Variants in NLGN1 observed in about 807,000 individuals in gnomAD.
NLGN1 encodes the protein neuroligin-1.
Under a neutral mutation model 65.5 loss-of-function variants are expected in NLGN1, and 12 were observed. The observed-to-expected ratio is 0.18, with a 90% CI of 0.12 to 0.30. The LOEUF is 0.30. Among genes scored for constraint, NLGN1 ranks in the 10% least tolerant of loss-of-function variants. The pLI, the probability that NLGN1 is intolerant of heterozygous loss-of-function variation, is 1.00. For synonymous variants in NLGN1, 350 were observed against 359.5 expected (o/e 0.97, Z 0.30); for missense variants, 750 against 1,007.1 (o/e 0.74, Z 3.46).
intron 4 of NLGN1, among the ~76,000 whole-genome samples, chr3:174,005,607 G>T (rs1724201190): frequency 6.6e-6 from 1 of 151,940 alleles, no homozygotes; most frequent in African/African-American, 2.4e-5. Context: ...GCTGATCTCA[G>T]TTTACACAAT....
chr3:173,421,903 A>G (rs1291792501), intron 1 of NLGN1, among the ~76,000 whole-genome samples: 2 of 152,010 alleles, frequency 1.3e-5, no homozygotes, highest in Non-Finnish European at 2.9e-5. Flanking sequence ...TCATTCTTTG[A>G]TTTTATACCT....
intron 4 of NLGN1, among the ~76,000 whole-genome samples, chr3:173,909,416 T>C (rs991644699): frequency 6.6e-6 from 1 of 152,112 alleles, no homozygotes; most frequent in South Asian, 2.1e-4. Flanking sequence ...CTGAAAAAAG[T>C]TTAATTCAAA....
intron 4 of NLGN1, among the ~76,000 whole-genome samples, chr3:174,176,224 A>G (rs73035665): frequency 0.015 from 2,296 of 152,022 alleles, 58 homozygotes; most frequent in African/African-American, 0.053. Flanking sequence ...TACCTTTAGA[A>G]CACCTAATTT....
intron 4 of NLGN1, among the ~76,000 whole-genome samples, chr3:173,859,591 T>C (rs1313017712): frequency 6.6e-6 from 1 of 152,140 alleles, no homozygotes; most frequent in East Asian, 1.9e-4. Context: ...TTGATAAGGT[T>C]CTTTGAAACC....
At chr3:173,792,465 A>G (rs1314550131) in intron 3 of NLGN1, among the ~76,000 whole-genome samples, 1 of 152,004 alleles carries the variant, frequency 6.6e-6, no homozygotes, top group Non-Finnish European at 1.5e-5. Context: ...AATGTGAAAT[A>G]CTCTTACACA....
intron 4 of NLGN1, among the ~76,000 whole-genome samples, chr3:174,273,991 T>C (rs983245437): frequency 6.6e-6 from 1 of 151,758 alleles, no homozygotes; most frequent in African/African-American, 2.4e-5. Flanking sequence ...GCTTATTTTA[T>C]AAAGAGATAT....
chr3:174,042,633 T>C (rs1732598061), intron 4 of NLGN1, among the ~76,000 whole-genome samples: 1 of 152,240 alleles, frequency 6.6e-6, no homozygotes, highest in Admixed American at 6.5e-5. Flanking sequence ...TACTATCAAT[T>C]ACCAACACTT....
At chr3:174,164,610 T>C (rs1727162078) in intron 4 of NLGN1, among the ~76,000 whole-genome samples, 1 of 152,102 alleles carries the variant, frequency 6.6e-6, no homozygotes, top group African/African-American at 2.4e-5. Context: ...ATTTATTAAA[T>C]AGGGAGTCAT....
chr3:173,528,482 T>C (rs942090531), intron 2 of NLGN1, among the ~76,000 whole-genome samples: 6 of 152,198 alleles, frequency 3.9e-5, no homozygotes, highest in Admixed American at 2.6e-4. Context: ...AATTTCTGCA[T>C]CTCTAGCAAG....
intron 3 of NLGN1, among the ~76,000 whole-genome samples, chr3:173,629,802 G>A (rs1416448136): frequency 1.3e-5 from 2 of 151,834 alleles, no homozygotes; most frequent in African/African-American, 2.4e-5. Context: ...AAAGAGACAC[G>A]ACTGTGTTAA....
At chr3:173,720,759 A>G (rs1196087894) in intron 3 of NLGN1, among the ~76,000 whole-genome samples, 2 of 152,208 alleles carry the variant, frequency 1.3e-5, no homozygotes, top group East Asian at 3.9e-4. Context: ...TTAGACCAAT[A>G]TTATTGGATG....
At chr3:173,430,689 A>G (rs1277333186) in intron 1 of NLGN1, among the ~76,000 whole-genome samples, 2 of 152,232 alleles carry the variant, frequency 1.3e-5, no homozygotes, top group East Asian at 1.9e-4. Context: ...ATATGCCCTC[A>G]TGGCTTAGTG....
intron 4 of NLGN1, among the ~76,000 whole-genome samples, chr3:173,954,393 C>A (rs1679654089): frequency 1.3e-5 from 2 of 151,762 alleles, no homozygotes; most frequent in Non-Finnish European, 2.9e-5. Context: ...TTATTATTAT[C>A]ATTATCATTG....
chr3:173,824,850 C>T (rs1413219059), intron 4 of NLGN1, among the ~76,000 whole-genome samples: 5 of 151,988 alleles, frequency 3.3e-5, no homozygotes, highest in African/African-American at 9.7e-5. Context: ...GAAGATTTTC[C>T]TCTTATTAAC....
intron 3 of NLGN1, among the ~76,000 whole-genome samples, chr3:173,690,544 G>A (rs1765315529): frequency 1.3e-5 from 2 of 152,114 alleles, no homozygotes; most frequent in Admixed American, 1.3e-4. Context: ...CTATAAATAT[G>A]TATAGTGCTT....
At chr3:174,027,586 A>T (rs2152467688) in intron 4 of NLGN1, among the ~76,000 whole-genome samples, 1 of 152,250 alleles carries the variant, frequency 6.6e-6, no homozygotes, top group South Asian at 2.1e-4. Flanking sequence ...TGTAATAATG[A>T]TATATTATTA....
At chr3:174,064,401 ATATAG>A (rs961131348) in intron 4 of NLGN1, among the ~76,000 whole-genome samples, 1 of 151,988 alleles carries the variant, frequency 6.6e-6, no homozygotes, top group African/African-American at 2.4e-5. Context: ...CTACATTAAC[ATATAG>A]TATAGTGATC....
intron 4 of NLGN1, among the ~76,000 whole-genome samples, chr3:174,083,550 T>C (rs916104057): frequency 6.6e-6 from 1 of 152,224 alleles, no homozygotes; most frequent in Middle Eastern, 3.4e-3. Flanking sequence ...CATAATAACA[T>C]CTCATATATT....
At chr3:173,452,526 T>C (rs1429278634) in intron 2 of NLGN1, among the ~76,000 whole-genome samples, 1 of 152,176 alleles carries the variant, frequency 6.6e-6, no homozygotes, top group African/African-American at 2.4e-5. Context: ...TTCTTATTGC[T>C]ATGTTGACAT....
Sources: gnomAD v4.1 joint callset for allele counts (sites outside exome capture counted in the v4.1 genomes callset) on GRCh38, gnomAD v4.1.1 for gene constraint, MANE v1.5 for transcripts, NCBI Gene and HGNC (gene_info 2026-07-23, HGNC 2026-07-21) for gene names.